ANK2: variants seen among roughly 807,000 people sequenced by gnomAD.
ANK2 encodes the protein ankyrin 2, also known as ankyrin-2.
ANK2 carries 83 observed loss-of-function variants against 360.5 expected under a neutral mutation model. That is an observed-to-expected ratio of 0.23 (90% confidence interval 0.19 to 0.28). ANK2 has a LOEUF of 0.28. ANK2 is among the 10% of genes least tolerant of loss of function. The probability of loss-of-function intolerance (pLI) is 1.00; values close to 1 mark genes in which losing one functional copy is unlikely to be tolerated. For missense variants in ANK2, 4,201 were observed against 4,795.7 expected (o/e 0.88, Z 3.66); for synonymous variants, 1,740 against 1,759.5 (o/e 0.99, Z 0.28).
chr4:112,993,826 C>A (rs1268397515), intron 2 of ANK2, among the ~76,000 whole-genome samples: 1 of 152,078 alleles, frequency 6.6e-6, no homozygotes, highest in African/African-American at 2.4e-5. Flanking sequence ...CCTGCCTCAG[C>A]CTCCTGAATA....
At chr4:113,096,358 C>A (rs1294549866) in intron 1 of ANK2, among the ~76,000 whole-genome samples, 1 of 152,172 alleles carries the variant, frequency 6.6e-6, no homozygotes, top group Non-Finnish European at 1.5e-5. Context: ...TTCTCTCCCA[C>A]ATAAAATAAA....
At chr4:112,922,897 CCT>C (rs1357216778) in intron 2 of ANK2, among the ~76,000 whole-genome samples, 1 of 152,136 alleles carries the variant, frequency 6.6e-6, no homozygotes, top group African/African-American at 2.4e-5. Flanking sequence ...TAGGTTATCT[CCT>C]CTGTTTCTAT....
At chr4:112,907,020 A>G (rs1440756743) in intron 2 of ANK2, among the ~76,000 whole-genome samples, 4 of 152,188 alleles carry the variant, frequency 2.6e-5, no homozygotes, top group Non-Finnish European at 5.9e-5. Context: ...TTTCATGGCA[A>G]AATTTAAGAA....
intron 9 of ANK2, among the ~76,000 whole-genome samples, chr4:113,246,648 T>C (rs891032982): frequency 1.3e-5 from 2 of 152,132 alleles, no homozygotes; most frequent in African/African-American, 4.8e-5. Context: ...CAATAAAAAG[T>C]GTACAAAAAC....
intron 1 of ANK2, among the ~76,000 whole-genome samples, chr4:113,071,458 G>A (rs931945717): frequency 1.3e-5 from 2 of 152,084 alleles, no homozygotes; most frequent in Admixed American, 6.5e-5. Context: ...TGCCTTACCC[G>A]GGCTGTTGCC....
chr4:112,877,986 G>C (rs1250488131), intron 1 of ANK2, among the ~76,000 whole-genome samples: 1 of 152,088 alleles, frequency 6.6e-6, no homozygotes, highest in African/African-American at 2.4e-5. Context: ...ACCAATCTTT[G>C]ACTCCTGTTT....
chr4:113,026,435 G>C (rs1240562181), intron 2 of ANK2, among the ~76,000 whole-genome samples: 1 of 152,106 alleles, frequency 6.6e-6, no homozygotes, highest in Non-Finnish European at 1.5e-5. Flanking sequence ...TAAATTCCTT[G>C]ATAACAGAAA....
chr4:113,211,037 A>G (rs1365503308), intron 4 of ANK2, among the ~76,000 whole-genome samples: 1 of 152,240 alleles, frequency 6.6e-6, no homozygotes. Flanking sequence ...GGAAATAAGT[A>G]TTGCTCAACA....
chr4:112,956,460 G>A (rs951295086), intron 2 of ANK2, among the ~76,000 whole-genome samples: 36 of 152,058 alleles, frequency 2.4e-4, no homozygotes, highest in Admixed American at 2.2e-3. Flanking sequence ...CTTTGTGGTC[G>A]CTATTAGGTA....
At chr4:113,033,982 C>G (rs1233654781) in intron 2 of ANK2, 2 of 151,832 alleles carry the variant, frequency 1.3e-5, no homozygotes, top group Non-Finnish European at 2.9e-5. Flanking sequence ...TAGATCTGCT[C>G]TTTTCCTGCT....
At chr4:113,126,440 A>G (rs1357462569) in intron 1 of ANK2, among the ~76,000 whole-genome samples, 1 of 152,156 alleles carries the variant, frequency 6.6e-6, no homozygotes, top group Non-Finnish European at 1.5e-5. Context: ...GCTTAATTAA[A>G]CCATGTCACA....
the ANK2 span, among the ~76,000 whole-genome samples, chr4:112,763,808 C>T: frequency 1.3e-5 from 2 of 152,082 alleles, no homozygotes; most frequent in Non-Finnish European, 2.9e-5. Flanking sequence ...GCGTGAGCTA[C>T]CGTGCCCGAC....
intron 4 of ANK2, among the ~76,000 whole-genome samples, chr4:113,224,728 T>C (rs191423430): frequency 6.6e-6 from 1 of 152,310 alleles, no homozygotes; most frequent in East Asian, 1.9e-4. Context: ...ACTCTTGTGA[T>C]ATATTTTAGA....
intron 1 of ANK2, among the ~76,000 whole-genome samples, chr4:112,822,238 T>TAAAA (rs1211981767): frequency 3.4e-5 from 3 of 88,526 alleles, no homozygotes; most frequent in Non-Finnish European, 5.0e-5. Context: ...CTGTCTCTAC[T>TAAAA]AAAAAAAAAA....
Position 112,989,365 on chromosome 4 carries a change from A to G in ANK2, c.21+84851A>G, listed in dbSNP as rs867840427. ...ATGAAAATGAAGTCTGTAGACACAA[A>G]CATACGATAAAACATGTGCTCTTAC... On this transcript the variant is annotated intron_variant, in intron 2 of 30. Coordinates refer to the ANK2 transcript ENST00000503271. 2.6e-5 allele frequency among the ~76,000 whole-genome samples: 4 copies of G among 152,340 alleles called. 1 individual carries two copies. In the South Asian group the frequency reaches 8.3e-4, roughly 32 times the overall value.
In ANK2 at chr4:113,292,497, C is replaced by T; in HGVS notation, c.2359C>T (p.Pro787Ser). 4.3e-6 allele frequency: 7 copies of T among 1,610,258 alleles called. No homozygotes were observed. The highest frequency in any genetic ancestry group is 5.9e-6 in the Non-Finnish European group (7 of 1,178,184). ...CGTCCTGCTCCAGCATGGGGCCAAG[C>T]CCAACGCCACCACTGCGGTAAGGCA... ...INVLLQHGAK[P>S]NATTANGNTA... Residue 787 changes from proline to serine, a missense_variant, in exon 21 of 46, where the codon CCC becomes TCC. By Grantham distance (74) the Pro-to-Ser change is moderately conservative. This residue lies in a region of ANK2 where 1,268 missense variants were observed against 1,650.8 expected (regional missense o/e 0.77). Transcript: ENST00000357077.
intron 2 of ANK2, among the ~76,000 whole-genome samples, chr4:113,042,203 C>A (rs1374815502): frequency 6.6e-6 from 1 of 152,136 alleles, no homozygotes; most frequent in Non-Finnish European, 1.5e-5. Flanking sequence ...TTGGCACATC[C>A]ATCTCTTCCT....
In ANK2 at chr4:113,274,640, A is replaced by G. The variant is rs2153689174; in HGVS notation, c.1674A>G (p.Leu558=). 6.2e-7 allele frequency: 1 copy of G among 1,614,130 alleles called. No individual in the cohort carries two copies. The highest frequency in any genetic ancestry group is 1.1e-5 in the South Asian group (1 of 91,074). The change falls in exon 15 of 46, where the codon TTA becomes TTG. Residue 558 remains leucine (L), a synonymous_variant. Coordinates refer to ENST00000357077, the MANE Select transcript of ANK2 (RefSeq NM_001148.6). ...VLLEAGAAHS[L]ATKKGFTPLH... The stretch of plus-strand genomic sequence containing the variant: ...TGGAAGCAGGAGCAGCCCACTCCTT[A>G]GCTACCAAGGTAAGGAGAATGACAT...
At chr4:113,111,870 A>G (rs1401882468) in intron 1 of ANK2, among the ~76,000 whole-genome samples, 1 of 152,218 alleles carries the variant, frequency 6.6e-6, no homozygotes, top group Non-Finnish European at 1.5e-5. Context: ...TGTAGATTAT[A>G]CAAAGTGACT....
Sources: allele counts gnomAD v4.1 joint callset (sites outside exome capture counted in the v4.1 genomes callset), GRCh38; gene constraint gnomAD v4.1.1; regional missense constraint gnomAD v4.1.1; transcripts MANE v1.5; gene names NCBI Gene and HGNC (gene_info 2026-07-23, HGNC 2026-07-21).